The following SRC variants were observed in gnomAD, a reference collection of about 807,000 sequenced individuals.
SRC encodes the protein SRC proto-oncogene, non-receptor tyrosine kinase.
SRC carries 13 observed loss-of-function variants against 62.9 expected under a neutral mutation model. That is an observed-to-expected ratio of 0.21 (90% CI 0.13 to 0.33). The LOEUF is 0.33. Among genes scored for constraint, SRC ranks in the 10% least tolerant of loss-of-function variants. The probability of loss-of-function intolerance (pLI) is 1.00; values close to 1 mark genes in which losing one functional copy is unlikely to be tolerated. For synonymous variants in SRC, 302 were observed against 317.5 expected (o/e 0.95, Z 0.52); for missense variants, 457 against 737.3 (o/e 0.62, Z 4.40).
intron 2 of SRC, among the ~76,000 whole-genome samples, chr20:37,380,811 G>C (rs1324925576): frequency 6.6e-6 from 1 of 151,888 alleles, no homozygotes; most frequent in East Asian, 1.9e-4. Flanking sequence ...CCACACCCAG[G>C]TGTTTGTCTT....
Position 37,396,397 on chromosome 20 carries a change from G to A in SRC, c.703+86G>A. ...AGGGGCCTTGGAGCCTAGAAGGGTG[G>A]GGACTTCTGTTATCCTGCTTCTCTC... On this transcript the variant is annotated intron_variant, in intron 8 of 13. Transcript: ENST00000373578. The surrounding 1 kb of genome is among the most constrained non-coding windows in gnomAD (Gnocchi z 6.1). 1.3e-6 allele frequency: 2 copies of A among 1,515,282 alleles called. No homozygotes were observed. The highest frequency in any genetic ancestry group is 2.4e-5 in the South Asian group (2 of 84,456). 93.9% of individuals were successfully genotyped at this position (1,515,282 alleles called of 1,614,324 possible). A position where few individuals can be genotyped will look rare whatever the true frequency, so the allele number is the denominator to read the frequency against.
Position 37,396,436 on chromosome 20 carries a change from C to T in SRC, c.703+125C>T. The T allele has an allele frequency of 2.7e-6, 3 of 1,107,986 alleles. No homozygotes were observed. The South Asian group carries it at 4.6e-5, about 17-fold the overall frequency. The allele number at this position is 1,107,986 out of a possible 1,614,324, so 68.6% of individuals were successfully genotyped here. A position where few individuals can be genotyped will look rare whatever the true frequency, so the allele number is the denominator to read the frequency against. ...CCTGCTTCTCTCCCCACTTCCCCCT[C>T]CCCCCTCCCTTCCTCTCTCCTCCCT... On this transcript the variant is annotated intron_variant, in intron 8 of 13. Transcript: ENST00000373578. The surrounding 1 kb of genome is among the most constrained non-coding windows in gnomAD (Gnocchi z 6.1).
rs2070599873 is a variant in SRC at position 37,394,186 on chromosome 20, C to T, written c.462C>T (p.Gly154=). The change falls in exon 7 of 14, where the codon GGC becomes GGT. Residue 154 remains glycine (G), a synonymous_variant. Transcript: ENST00000373578. ...DSIQAEEWYF[G]KITRRESERL... Reference sequence around the variant, plus strand: ...CTCCCACCCCCAGGTGGTATTTTGGCAAGATCACCAGACGGGAGTCAGAGC... The same window carrying T: ...CTCCCACCCCCAGGTGGTATTTTGGTAAGATCACCAGACGGGAGTCAGAGC... 2 of 1,613,968 alleles carry T rather than the reference C, an allele frequency of 1.2e-6. No homozygotes were observed. Among genetic ancestry groups the T allele is most frequent in the Non-Finnish European group, 8.5e-7 (1 of 1,179,990 alleles).
rs2070781198 is a variant in SRC at position 37,403,804 on chromosome 20, A to G, written c.*425A>G. ...AGCTGGCCAAAGAGCCTTTCCAAAG[A>G]GGAGCGATGGGCCCCTGGCCCCGCC... On this transcript the variant is annotated 3_prime_UTR_variant, in exon 14 of 14. Transcript: ENST00000373578. The surrounding 1 kb of genome is among the most constrained non-coding windows in gnomAD (Gnocchi z 7.1). The G allele has an allele frequency of 7.6e-6, 2 of 263,860 alleles. No homozygotes were observed. The highest frequency in any genetic ancestry group is 2.4e-4 in the South Asian group (2 of 8,448). The allele number at this position is 263,860 out of a possible 1,614,324, so 16.3% of individuals were successfully genotyped here. A position where few individuals can be genotyped will look rare whatever the true frequency, so the allele number is the denominator to read the frequency against.
chr20:37,398,004 C>G lies in SRC; in HGVS notation c.859+150C>G. The G allele has an allele frequency of 9.2e-7, 1 of 1,086,432 alleles. No individual in the cohort carries two copies. 67.3% of individuals were successfully genotyped at this position (1,086,432 alleles called of 1,614,324 possible). ...GGAGCTCCCCAGCGGTGGCTGGCAC[C>G]GAGTTGGGTTGTGGCCACCCAAGCA... is the stretch of plus-strand genomic sequence containing the variant. On this transcript the variant is annotated intron_variant, in intron 9 of 13. Coordinates refer to ENST00000373578, the MANE Select transcript of SRC (RefSeq NM_198291.3). This position sits in a 1 kb window ranked among gnomAD's most constrained non-coding sequence, Gnocchi z 5.2.
Position 37,396,387 on chromosome 20 carries a change from T to C in SRC, c.703+76T>C. 1 of 1,564,192 alleles carries C rather than the reference T, an allele frequency of 6.4e-7. No homozygotes were observed. The highest frequency in any genetic ancestry group is 8.7e-7 in the Non-Finnish European group (1 of 1,153,510). On this transcript the variant is annotated intron_variant, in intron 8 of 13. Coordinates refer to ENST00000373578, the MANE Select transcript of SRC (RefSeq NM_198291.3). The surrounding 1 kb of genome is among the most constrained non-coding windows in gnomAD (Gnocchi z 6.1). ...GACTCTGGGGAGGGGCCTTGGAGCC[T>C]AGAAGGGTGGGGACTTCTGTTATCC... is the stretch of plus-strand genomic sequence containing the variant.
At chr20:37,399,967 G>A (rs1436569216) in intron 9 of SRC, 148 bp from the exon 10 acceptor site, 23 of 652,366 alleles carry the variant, frequency 3.5e-5, no homozygotes, top group Non-Finnish European at 5.7e-5. Flanking sequence ...GGAGACTGAG[G>A]CTCAGAAAGG....
chr20:37,392,735 A>C (rs2070572287), intron 5 of SRC, among the ~76,000 whole-genome samples: 1 of 151,924 alleles, frequency 6.6e-6, no homozygotes, highest in Non-Finnish European at 1.5e-5. Context: ...CCTAGTTCCC[A>C]GGTCTCCCTG....
At position 37,384,113 on chromosome 20, in the gene SRC, C is replaced by T; in HGVS notation, c.-4-37C>T. On this transcript the variant is annotated intron_variant, in intron 3 of 13. Transcript: ENST00000373578. This position sits in a 1 kb window ranked among gnomAD's most constrained non-coding sequence, Gnocchi z 6.7. ...GAGGCCGGCCAAGGGGCCCCGGCAG[C>T]CCTGCCTGTTCCAGTGTCTTCTCTC... The T allele has an allele frequency of 6.3e-7, 1 of 1,590,826 alleles. No individual in the cohort carries two copies. Among genetic ancestry groups the T allele is most frequent in the South Asian group, 1.1e-5 (1 of 90,626 alleles).
At chr20:37,366,458 C>T (rs2070063673) in intron 2 of SRC, among the ~76,000 whole-genome samples, 1 of 152,176 alleles carries the variant, frequency 6.6e-6, no homozygotes, top group African/African-American at 2.4e-5. Context: ...ACAATCGTCA[C>T]CACAGTCAAA....
intron 5 of SRC, among the ~76,000 whole-genome samples, chr20:37,388,908 T>A (rs116525721): frequency 6.6e-6 from 1 of 152,090 alleles, no homozygotes; most frequent in Non-Finnish European, 1.5e-5. Flanking sequence ...TGCATGCACG[T>A]CCTTCCTCCA....
At chr20:37,358,946 C>T (rs1321253379) in intron 1 of SRC, among the ~76,000 whole-genome samples, 2 of 152,270 alleles carry the variant, frequency 1.3e-5, no homozygotes, top group Non-Finnish European at 2.9e-5. Context: ...TGCCCTGGCA[C>T]GCGCACGGCC....
In SRC at chr20:37,397,335, C is replaced by T. The variant is rs374201322; in HGVS notation, c.704-364C>T. 1.2e-4 allele frequency among the ~76,000 whole-genome samples: 18 copies of T among 152,340 alleles called. No homozygotes were observed. In the East Asian group the frequency reaches 1.5e-3, roughly 13 times the overall value. On this transcript the variant is annotated intron_variant, in intron 8 of 13. Transcript: ENST00000373578. This position sits in a 1 kb window ranked among gnomAD's most constrained non-coding sequence, Gnocchi z 4.1. ...CAGGCCACTCCTGCTGTTGCGCGAA[C>T]AGCTCTCCAGTCACATTCACATCTG...
chr20:37,386,294 C>A, intron 5 of SRC, 120 bp downstream of exon 5: 1 of 1,014,526 alleles, frequency 9.9e-7, no homozygotes, highest in Non-Finnish European at 1.6e-6. Context: ...CAGTGCGAAG[C>A]CCAGGGCAGT....
chr20:37,376,514 T>C (rs2070281353), intron 2 of SRC, among the ~76,000 whole-genome samples: 1 of 152,168 alleles, frequency 6.6e-6, no homozygotes, highest in African/African-American at 2.4e-5. Flanking sequence ...TATATATACA[T>C]ATTTTGGAGA....
chr20:37,374,371 C>T (rs569726641), intron 2 of SRC, among the ~76,000 whole-genome samples: 2 of 151,960 alleles, frequency 1.3e-5, no homozygotes, highest in Non-Finnish European at 2.9e-5. Flanking sequence ...AGCCACTGCC[C>T]CTGGCTGATA....
chr20:37,401,738 G>C, intron 11 of SRC, 60 bp downstream of exon 11: 2 of 1,351,004 alleles, frequency 1.5e-6, no homozygotes, highest in South Asian at 2.6e-5. Flanking sequence ...GACCCATCTG[G>C]TGCAGCCAGT....
chr20:37,374,815 T>TC, intron 2 of SRC, among the ~76,000 whole-genome samples: 1 of 152,006 alleles, frequency 6.6e-6, no homozygotes, highest in East Asian at 1.9e-4. Flanking sequence ...CCTCAGGTGA[T>TC]CCACCCGCCT....
rs1235463689 is a variant in SRC at position 37,397,786 on chromosome 20, A to C, written c.791A>C (p.Glu264Ala). The C allele has an allele frequency of 1.2e-6, 2 of 1,612,530 alleles. No homozygotes were observed. The highest frequency in any genetic ancestry group is 1.7e-6 in the Non-Finnish European group (2 of 1,179,818). ...QTQGLAKDAWEIPRESLRLEV... is the reference protein window; with the variant it reads ...QTQGLAKDAWAIPRESLRLEV... Reference sequence around the variant, plus strand: ...CAGGGCCTGGCCAAGGATGCCTGGGAGATCCCTCGGGAGTCGCTGCGGCTG... The same window carrying C: ...CAGGGCCTGGCCAAGGATGCCTGGGCGATCCCTCGGGAGTCGCTGCGGCTG... The change falls in exon 9 of 14, where the codon GAG (glutamate) becomes GCG (alanine). Residue 264 changes from glutamate to alanine, a missense_variant. By Grantham distance (107) the Glu-to-Ala change is moderately radical. Coordinates refer to ENST00000373578, the MANE Select transcript of SRC (RefSeq NM_198291.3). The surrounding 1 kb of genome is among the most constrained non-coding windows in gnomAD (Gnocchi z 4.1).
Sources: gnomAD v4.1 joint callset for allele counts (sites outside exome capture counted in the v4.1 genomes callset) on GRCh38, gnomAD v4.1.1 for gene constraint, Gnocchi (gnomAD v3.1) non-coding constraint, MANE v1.5 for transcripts, NCBI Gene and HGNC (gene_info 2026-07-23, HGNC 2026-07-21) for gene names.